The following FAT3 variants were observed in gnomAD, a reference collection of about 807,000 sequenced individuals.
The protein encoded by FAT3 is FAT atypical cadherin 3.
A neutral mutation model predicts 310.2 loss-of-function variants in FAT3; 95 were observed. The observed-to-expected ratio is 0.31, with a 90% CI of 0.26 to 0.36. FAT3 has a LOEUF of 0.36. Ranked by LOEUF, FAT3 falls within the 10% of genes least tolerant of loss-of-function variation. The probability of loss-of-function intolerance (pLI) is 1.00; values close to 1 mark genes in which losing one functional copy is unlikely to be tolerated. For missense variants in FAT3, 5,408 were observed against 5,715.6 expected (o/e 0.95, Z 1.74); for synonymous variants, 2,314 against 2,192.9 (o/e 1.06, Z -1.54).
At position 92,567,798 on chromosome 11, in the gene FAT3, G is replaced by A. The variant is rs943975441; in HGVS notation, c.3607+42850G>A. ...AACTTTCGCAAGAGCAAAAAACCAA[G>A]CACCGCATATTCTCACTCATAGGTG... On this transcript the variant is annotated intron_variant, in intron 3 of 27. Transcript: ENST00000525166. Among the ~76,000 whole-genome samples the A allele has an allele frequency of 7.3e-5, 11 of 151,248 alleles. No homozygotes were observed. In the South Asian group the frequency reaches 1.3e-3, roughly 17 times the overall value.
At chr11:92,553,947 A>G (rs755106228) in intron 3 of FAT3, among the ~76,000 whole-genome samples, 7 of 151,896 alleles carry the variant, frequency 4.6e-5, no homozygotes, top group Non-Finnish European at 1.0e-4. Context: ...CTGGAATTAC[A>G]GGAGCCCACT....
At chr11:92,283,528 G>A (rs545291249) in intron 1 of FAT3, among the ~76,000 whole-genome samples, 9 of 152,262 alleles carry the variant, frequency 5.9e-5, no homozygotes, top group Non-Finnish European at 1.2e-4. Flanking sequence ...GCAGCTCAGT[G>A]AATGCCCAAA....
intron 4 of FAT3, among the ~76,000 whole-genome samples, chr11:92,744,593 C>T (rs1170246083): frequency 6.6e-6 from 1 of 152,128 alleles, no homozygotes; most frequent in African/African-American, 2.4e-5. Context: ...CTTTTCTATT[C>T]TAAGAAAATC....
At chr11:92,856,499 C>G (rs1292207748) in intron 19 of FAT3, among the ~76,000 whole-genome samples, 1 of 152,176 alleles carries the variant, frequency 6.6e-6, no homozygotes, top group Non-Finnish European at 1.5e-5. Context: ...CTGCCTTAAT[C>G]AGTTAATCTG....
In FAT3 at chr11:92,844,201, G is replaced by A; in HGVS notation, c.10834G>A (p.Asp3612Asn). The change falls in exon 19 of 28, where the codon GAC becomes AAC. Residue 3612 changes from aspartate (D) to asparagine (N), a missense_variant. Asp to Asn is a conservative substitution (Grantham distance 23). This residue lies in a region of FAT3 where 4,588 missense variants were observed against 4,809.8 expected (regional missense o/e 0.95). Coordinates refer to ENST00000525166, the MANE Select transcript of FAT3 (RefSeq NM_001367949.2). ...GAAAATCATCGCCCTGGGAGGCCTG[G>A]ACAGCGGCAAGTATGTCCTGAATGT... is the stretch of plus-strand genomic sequence containing the variant. ...DGKIIALGGL[D>N]SGKYVLNVSV... is the part of the protein sequence containing the mutation. 2 of 1,614,058 alleles carry A rather than the reference G, an allele frequency of 1.2e-6. No homozygotes were observed. Among genetic ancestry groups the A allele is most frequent in the Non-Finnish European group, 1.7e-6 (2 of 1,179,904 alleles).
intron 3 of FAT3, among the ~76,000 whole-genome samples, chr11:92,596,856 T>C (rs1939735916): frequency 6.6e-6 from 1 of 152,230 alleles, no homozygotes; most frequent in Non-Finnish European, 1.5e-5. Context: ...CCAGTGTTAC[T>C]AAGAGTTTGT....
intron 3 of FAT3, among the ~76,000 whole-genome samples, chr11:92,574,407 C>G (rs1360607143): frequency 2.6e-5 from 4 of 152,162 alleles, no homozygotes. Flanking sequence ...AACCTGGCAG[C>G]AGACTCTAGT....
intron 1 of FAT3, among the ~76,000 whole-genome samples, chr11:92,328,201 C>T (rs1947815375): frequency 6.6e-6 from 1 of 152,152 alleles, no homozygotes; most frequent in African/African-American, 2.4e-5. Flanking sequence ...CCAAATGCAA[C>T]TCCCTACCTC....
chr11:92,343,302 A>G (rs1471984030), intron 1 of FAT3, among the ~76,000 whole-genome samples: 1 of 141,548 alleles, frequency 7.1e-6, no homozygotes, highest in South Asian at 2.1e-4. Context: ...TGGCAGAACC[A>G]GCTGAAGGCT....
At chr11:92,305,322 C>T (rs1299602245) in intron 1 of FAT3, among the ~76,000 whole-genome samples, 3 of 152,112 alleles carry the variant, frequency 2.0e-5, no homozygotes, top group East Asian at 3.9e-4. Context: ...TACACACCCT[C>T]CTTACCGTAG....
intron 1 of FAT3, among the ~76,000 whole-genome samples, chr11:92,334,188 C>A (rs1031345141): frequency 6.6e-6 from 1 of 152,034 alleles, no homozygotes. Context: ...TCAGCCTGGG[C>A]AACATGGCAA....
At chr11:92,476,382 C>T (rs1305893294) in intron 2 of FAT3, among the ~76,000 whole-genome samples, 1 of 152,100 alleles carries the variant, frequency 6.6e-6, no homozygotes, top group African/African-American at 2.4e-5. Context: ...AAAATTACAG[C>T]AAGTCAGGTT....
chr11:92,245,811 G>A (rs1361051344), intron 1 of FAT3, among the ~76,000 whole-genome samples: 3 of 152,130 alleles, frequency 2.0e-5, no homozygotes. Context: ...CCCTGCTTTA[G>A]AGTAAGAAAA....
chr11:92,581,865 G>A (rs536506118), intron 3 of FAT3, among the ~76,000 whole-genome samples: 1 of 151,980 alleles, frequency 6.6e-6, no homozygotes, highest in Non-Finnish European at 1.5e-5. Flanking sequence ...TCACAGAGAG[G>A]GTTCTTAGAT....
chr11:92,277,919 A>G (rs1014955434), intron 1 of FAT3, among the ~76,000 whole-genome samples: 1 of 151,964 alleles, frequency 6.6e-6, no homozygotes, highest in African/African-American at 2.4e-5. Flanking sequence ...CACCTTTACT[A>G]AAAACAACAA....
At chr11:92,569,086 A>G (rs1174205541) in intron 3 of FAT3, among the ~76,000 whole-genome samples, 1 of 152,076 alleles carries the variant, frequency 6.6e-6, no homozygotes, top group Non-Finnish European at 1.5e-5. Flanking sequence ...CACTGTGCTT[A>G]TTTCCAAGCC....
chr11:92,888,328 TGTGGCTA>T (rs1949842061), intron 25 of FAT3, among the ~76,000 whole-genome samples: 5 of 152,192 alleles, frequency 3.3e-5, no homozygotes, highest in African/African-American at 1.2e-4. Context: ...GAAGAAAAGC[TGTGGCTA>T]GTTTGCACTT....
At position 92,873,922 on chromosome 11, in the gene FAT3, TTGAC is replaced by T. The variant is rs548417216; in HGVS notation, c.12127+6716_12127+6719del. 4.9e-3 allele frequency among the ~76,000 whole-genome samples: 747 copies of T among 152,340 alleles called. 10 individuals are homozygous for T. The highest frequency in any genetic ancestry group is 0.017 in the African/African-American group (687 of 41,572). On this transcript the variant is annotated intron_variant, in intron 22 of 27. Coordinates refer to ENST00000525166, the MANE Select transcript of FAT3 (RefSeq NM_001367949.2). Reference sequence around the variant, plus strand: ...TGGCATGAAGTGCATCTGCCACTCATTGACTGTGTAACCTCGTGAAACCCATCTT... The same window carrying T: ...TGGCATGAAGTGCATCTGCCACTCATTGTGTAACCTCGTGAAACCCATCTT...
rs1947791291 is a variant in FAT3, at chr11:92,815,201, G to GGAC, written c.9481+5126_9481+5128dup. Among the ~76,000 whole-genome samples, 3 of 152,260 alleles carry GGAC rather than the reference G, an allele frequency of 2.0e-5. No homozygotes were observed. The South Asian group carries it at 6.2e-4, about 32-fold the overall frequency. On this transcript the variant is annotated intron_variant, in intron 13 of 27. Coordinates refer to ENST00000525166, the MANE Select transcript of FAT3 (RefSeq NM_001367949.2). ...AATGAATTGGAACAAGGAAAACCAG[G>GGAC]GACTAGGAAAGCTCCTAGGAGTGTA...
Sources: allele counts gnomAD v4.1 joint callset (sites outside exome capture counted in the v4.1 genomes callset), GRCh38; gene constraint gnomAD v4.1.1; regional missense constraint gnomAD v4.1.1; transcripts MANE v1.5; gene names NCBI Gene and HGNC (gene_info 2026-07-23, HGNC 2026-07-21).